The following NWD1 variants were observed in gnomAD, a reference collection of about 807,000 sequenced individuals.
NWD1 encodes NACHT domain- and WD repeat-containing protein 1.
In NWD1, 129 loss-of-function variants were observed where a neutral mutation model predicts 135.1. The ratio of observed to expected loss-of-function variants is 0.96; its 90% CI spans 0.83 to 1.11. The LOEUF (loss-of-function observed/expected upper bound fraction) is 1.11, where lower values mean the gene tolerates loss of function less well. Ranked by LOEUF, NWD1 falls within the 50% of genes least tolerant of loss-of-function variation. The pLI, the probability that NWD1 is intolerant of heterozygous loss-of-function variation, is 0.00. For missense variants in NWD1, 1,740 were observed against 1,851.3 expected (o/e 0.94, Z 1.10); for synonymous variants, 773 against 786.0 (o/e 0.98, Z 0.28).
At chr19:16,788,911 A>G (rs1479543352) in intron 12 of NWD1, 71 bp from the exon 13 acceptor site, 4 of 1,000,030 alleles carry the variant, frequency 4.0e-6, no homozygotes, top group Non-Finnish European at 6.4e-6. Context: ...CCAAGCTGAC[A>G]AGCATTTTAA....
At chr19:16,768,477 C>T (rs1969306429) in intron 10 of NWD1, among the ~76,000 whole-genome samples, 1 of 152,140 alleles carries the variant, frequency 6.6e-6, no homozygotes, top group South Asian at 2.1e-4. Context: ...TTGTGTTTAA[C>T]TTTTTGAGGA....
chr19:16,778,816 T>C (rs1969753596), intron 11 of NWD1, among the ~76,000 whole-genome samples: 1 of 152,204 alleles, frequency 6.6e-6, no homozygotes, highest in African/African-American at 2.4e-5. Flanking sequence ...CTGGGTGGCA[T>C]GAGCCACCGT....
rs1332515118 is a variant in NWD1 at position 16,731,297 on chromosome 19, G to A, written c.81+19G>A. 11 of 1,441,288 alleles carry A rather than the reference G, an allele frequency of 7.6e-6. No individual in the cohort carries two copies. Among genetic ancestry groups the A allele is most frequent in the East Asian group, 7.4e-5 (3 of 40,542 alleles). The allele number at this position is 1,441,288 out of a possible 1,614,324, so 89.3% of individuals were successfully genotyped here. A position where few individuals can be genotyped will look rare whatever the true frequency, so the allele number is the denominator to read the frequency against. ...GTTTGAGGTAACTGGAAGTCACTCC[G>A]GGCTCCATGCTTTTTTTATTTTTTT... On this transcript the variant is annotated intron_variant, in intron 3 of 18. Coordinates refer to ENST00000524140, the MANE Select transcript of NWD1 (RefSeq NM_001007525.5).
intron 11 of NWD1, among the ~76,000 whole-genome samples, chr19:16,776,875 G>A (rs112271932): frequency 0.091 from 13,023 of 143,036 alleles, 1,116 homozygotes; most frequent in African/African-American, 0.22. Flanking sequence ...CCAAGAGTTC[G>A]AGGCTGCAGT....
In NWD1 at chr19:16,749,288, C is replaced by G. The variant is rs144261429; in HGVS notation, c.646C>G (p.Leu216Val). 2.5e-6 allele frequency: 4 copies of G among 1,613,956 alleles called. No homozygotes were observed. The African/African-American group carries it at 5.3e-5, about 22-fold the overall frequency. Residue 216 changes from leucine to valine, a missense_variant, in exon 6 of 19, where the codon CTG becomes GTG. Physicochemically the swap from Leu to Val is conservative, Grantham distance 32. Coordinates refer to ENST00000524140, the MANE Select transcript of NWD1 (RefSeq NM_001007525.5). ...GGTGGACCGGCTCGCGGATGGCTGC[C>G]TGGACGCTGATGCCCAGAACCTTCT... is the stretch of plus-strand genomic sequence containing the variant. Reference protein sequence around the residue: ...RMVDRLADGCLDADAQNLLSS... With the variant: ...RMVDRLADGCVDADAQNLLSS...
chr19:16,774,462 T>TCCATCCATCCACCCATCCAC (rs1969529463), intron 11 of NWD1, among the ~76,000 whole-genome samples: 1 of 151,088 alleles, frequency 6.6e-6, no homozygotes, highest in East Asian at 2.0e-4. Context: ...GTTCCACTGT[T>TCCATCCATCCACCCATCCAC]CCATCCATCC....
chr19:16,738,445 T>C (rs1967927067), intron 4 of NWD1, among the ~76,000 whole-genome samples: 1 of 151,580 alleles, frequency 6.6e-6, no homozygotes, highest in African/African-American at 2.4e-5. Context: ...GGCACATGCC[T>C]GTGATCCCAG....
At chr19:16,767,311 C>T (rs1364833411) in intron 10 of NWD1, among the ~76,000 whole-genome samples, 1 of 151,476 alleles carries the variant, frequency 6.6e-6, no homozygotes, top group Admixed American at 6.6e-5. Flanking sequence ...GAGGGAGCAA[C>T]TGCCTTATAA....
rs1048557451 is a variant in NWD1, at chr19:16,742,195, C to T, written c.199-2226C>T. ...TTCGAGACCAGCCTGGCCAACATGGCGAAACCCTGTCTCTACTAAAAATAT... is the reference window on the plus strand; with the variant it reads ...TTCGAGACCAGCCTGGCCAACATGGTGAAACCCTGTCTCTACTAAAAATAT... On this transcript the variant is annotated intron_variant, in intron 4 of 18. Coordinates refer to ENST00000524140, the MANE Select transcript of NWD1 (RefSeq NM_001007525.5). 3.3e-5 allele frequency among the ~76,000 whole-genome samples: 5 copies of T among 151,768 alleles called. No individual in the cohort carries two copies. The East Asian group carries it at 5.8e-4, about 18-fold the overall frequency.
rs746594838 is a variant in NWD1 at position 16,807,671 on chromosome 19, C to T, written c.3822C>T (p.Leu1274=). Reference sequence around the variant, plus strand: ...AGCGCAAGCTCCTATTTACGGGCCTCGTGTCGGGGGTCGTCCTTGTGTTCC... The same window carrying T: ...AGCGCAAGCTCCTATTTACGGGCCTTGTGTCGGGGGTCGTCCTTGTGTTCC... The part of the protein sequence containing the change: ...AEQRKLLFTG[L]VSGVVLVFPL... The change falls in exon 18 of 19, where the codon CTC becomes CTT. Residue 1274 remains leucine (L), a synonymous_variant. Coordinates refer to ENST00000524140, the MANE Select transcript of NWD1 (RefSeq NM_001007525.5). 22 of 1,607,900 alleles carry T rather than the reference C, an allele frequency of 1.4e-5. No homozygotes were observed. Among genetic ancestry groups the T allele is most frequent in the South Asian group, 5.5e-5 (5 of 90,320 alleles).
intron 17 of NWD1, among the ~76,000 whole-genome samples, chr19:16,802,812 C>A (rs1964988495): frequency 1.3e-5 from 2 of 152,024 alleles, no homozygotes; most frequent in East Asian, 1.9e-4. Context: ...ACTAGCCTGG[C>A]CAACATGGTA....
rs1969177898 is a variant in NWD1 at position 16,765,170 on chromosome 19, T to C, written c.2388T>C (p.Pro796=). ...GTGAAGCCCTCCAGCTCTGCCGCCCTGCTGTGGAGCTCCGAGGCATGGGTG... is the reference window on the plus strand; with the variant it reads ...GTGAAGCCCTCCAGCTCTGCCGCCCCGCTGTGGAGCTCCGAGGCATGGGTG... ...LVREALQLCR[P]AVELRGMERS... Residue 796 remains proline, a synonymous_variant, in exon 10 of 19, where the codon CCT becomes CCC. Transcript: ENST00000524140. The C allele has an allele frequency of 6.2e-7, 1 of 1,614,142 alleles. No individual in the cohort carries two copies. The highest frequency in any genetic ancestry group is 8.5e-7 in the Non-Finnish European group (1 of 1,180,028).
chr19:16,808,635 G>T (rs1026176494), intron 18 of NWD1, among the ~76,000 whole-genome samples: 5 of 151,790 alleles, frequency 3.3e-5, no homozygotes, highest in Non-Finnish European at 7.4e-5. Context: ...AAAGAGACAG[G>T]GACCCCACTG....
rs1349038938 is a variant in NWD1 at position 16,750,008 on chromosome 19, C to G, written c.1366C>G (p.Leu456Val). Residue 456 changes from leucine to valine, a missense_variant, in exon 6 of 19, where the codon CTC becomes GTC. Leu to Val is a conservative substitution (Grantham distance 32). Transcript: ENST00000524140. ...TGCTCGGAGGGTTCCCTGGCTGCCT[C>G]TCAACTGCCCCCCGAGGGTGCACCT... ...RHARRVPWLP[L>V]NCPPRVHLIL... 1 of 1,613,908 alleles carries G rather than the reference C, an allele frequency of 6.2e-7. No individual in the cohort carries two copies. Among genetic ancestry groups the G allele is most frequent in the South Asian group, 1.1e-5 (1 of 91,066 alleles).
chr19:16,776,941 G>T (rs1232047745), intron 11 of NWD1, among the ~76,000 whole-genome samples: 2 of 96,788 alleles, frequency 2.1e-5, no homozygotes, highest in Non-Finnish European at 3.9e-5. Flanking sequence ...GACCCTATCT[G>T]AAAAAAAAAA....
chr19:16,796,604 C>T (rs774873619), intron 15 of NWD1, among the ~76,000 whole-genome samples: 3 of 152,066 alleles, frequency 2.0e-5, no homozygotes, highest in Non-Finnish European at 2.9e-5. Flanking sequence ...TGCCTCCTGC[C>T]GCTATCCCTT....
At chr19:16,763,787 G>A in intron 8 of NWD1, 41 bp from the exon 9 acceptor site, 1 of 1,236,900 alleles carries the variant, frequency 8.1e-7, no homozygotes, top group Non-Finnish European at 1.2e-6. Flanking sequence ...GTGAATGAAT[G>A]GGTTTGTGTC....
chr19:16,780,017 T>G (rs759376632), intron 12 of NWD1, among the ~76,000 whole-genome samples: 1 of 152,138 alleles, frequency 6.6e-6, no homozygotes, highest in African/African-American at 2.4e-5. Flanking sequence ...GGCTTGCTCA[T>G]GTATCTGCAG....
chr19:16,809,940 A>G (rs1190699389), intron 18 of NWD1, among the ~76,000 whole-genome samples: 1 of 151,960 alleles, frequency 6.6e-6, no homozygotes, highest in Non-Finnish European at 1.5e-5. Context: ...TTGCTTTTCT[A>G]TCACCCCTTT....
Sources: allele counts gnomAD v4.1 joint callset (sites outside exome capture counted in the v4.1 genomes callset), GRCh38; gene constraint gnomAD v4.1.1; transcripts MANE v1.5; gene names NCBI Gene and HGNC (gene_info 2026-07-23, HGNC 2026-07-21).